The following ALG6 variants were observed in gnomAD, a reference collection of about 807,000 sequenced individuals.
ALG6 encodes dolichyl pyrophosphate Man9GlcNAc2 alpha-1,3-glucosyltransferase.
In ALG6, 46 loss-of-function variants were observed where a neutral mutation model predicts 66.6. That is an observed-to-expected ratio of 0.69 (90% CI 0.55 to 0.88). The LOEUF is 0.88. ALG6 is among the 40% of genes least tolerant of loss of function. ALG6 has a pLI of 0.00. For synonymous variants in ALG6, 185 were observed against 203.7 expected (o/e 0.91, Z 0.78); for missense variants, 505 against 586.8 (o/e 0.86, Z 1.44).
chr1:63,415,678 G>C (rs560534448), intron 10 of ALG6, among the ~76,000 whole-genome samples, 195 bp from the exon 11 acceptor site: 194 of 151,244 alleles, frequency 1.3e-3, no homozygotes, highest in Middle Eastern at 0.01. Flanking sequence ...GTGTATAAAA[G>C]TATATATATA....
In ALG6 at chr1:63,429,442, T is replaced by C. The variant is rs192934851; in HGVS notation, c.1326+316T>C. The C allele has an allele frequency of 1.6e-5, 4 of 256,084 alleles. No homozygotes were observed. The East Asian group carries it at 3.8e-4, about 24-fold the overall frequency. 15.9% of individuals were successfully genotyped at this position (256,084 alleles called of 1,614,324 possible). A position where few individuals can be genotyped will look rare whatever the true frequency, so the allele number is the denominator to read the frequency against. On this transcript the variant is annotated intron_variant, in intron 14 of 14. Transcript: ENST00000263440. The stretch of plus-strand genomic sequence containing the variant: ...TCTTTAGATTTGCCTACTTTGGACA[T>C]TGCATATAAATGGAATGTATTAGTC...
chr1:63,407,247 T>C (rs1436159664), intron 7 of ALG6, 121 bp downstream of exon 7: 1 of 712,452 alleles, frequency 1.4e-6, no homozygotes, highest in Non-Finnish European at 2.5e-6. Flanking sequence ...ATAAACTATT[T>C]CACAATAATA....
intron 12 of ALG6, 36 bp downstream of exon 12, chr1:63,419,476 TTATAA>T (rs746706704): frequency 5.7e-5 from 81 of 1,417,518 alleles, no homozygotes; most frequent in South Asian, 2.4e-5. Context: ...GTTTATTTGT[TTATAA>T]TATAACTTTA....
rs111245697 is a variant in ALG6 at position 63,416,029 on chromosome 1, G to T, written c.987+72G>T. On this transcript the variant is annotated intron_variant, in intron 11 of 14. Coordinates refer to ENST00000263440, the MANE Select transcript of ALG6 (RefSeq NM_013339.4). Reference sequence around the variant, plus strand: ...CTTTTAAAAATTATTTTCATGGTCTGCACAGGATTTATTGGGTTGGGAAAC... The same window carrying T: ...CTTTTAAAAATTATTTTCATGGTCTTCACAGGATTTATTGGGTTGGGAAAC... 1.9e-3 allele frequency: 2,116 copies of T among 1,113,108 alleles called. 13 individuals carry two copies. Among genetic ancestry groups the T allele is most frequent in the Non-Finnish European group, 2.0e-3 (1,450 of 735,728 alleles). The allele number at this position is 1,113,108 out of a possible 1,614,324, so 69.0% of individuals were successfully genotyped here. A position where few individuals can be genotyped will look rare whatever the true frequency, so the allele number is the denominator to read the frequency against.
chr1:63,378,370 C>T (rs1648198538), intron 2 of ALG6, among the ~76,000 whole-genome samples: 1 of 152,122 alleles, frequency 6.6e-6, no homozygotes, highest in Non-Finnish European at 1.5e-5. Flanking sequence ...CCTTTCCTTT[C>T]TTGCTGCAGT....
At chr1:63,419,724 T>C (rs931124073) in intron 12 of ALG6, among the ~76,000 whole-genome samples, 1 of 152,222 alleles carries the variant, frequency 6.6e-6, no homozygotes, top group African/African-American at 2.4e-5. Flanking sequence ...TCAAAGAGGT[T>C]TTCATCAGAT....
At chr1:63,403,086 C>T (rs1486832607) in intron 4 of ALG6, among the ~76,000 whole-genome samples, 1 of 94,772 alleles carries the variant, frequency 1.1e-5, no homozygotes, top group Non-Finnish European at 1.8e-5. Context: ...CAGAGTGAGA[C>T]TCCATCTCAA....
intron 12 of ALG6, among the ~76,000 whole-genome samples, chr1:63,427,390 C>T (rs755380496): frequency 1.5e-4 from 23 of 151,990 alleles, no homozygotes; most frequent in Non-Finnish European, 2.6e-4. Context: ...AGGAAAAAGT[C>T]ATCCTTCTGG....
At position 63,438,430 on chromosome 1, in the gene ALG6, T is replaced by C. The variant is rs1176685575; in HGVS notation, c.*1410T>C. On this transcript the variant is annotated 3_prime_UTR_variant, in exon 15 of 15. Coordinates refer to ENST00000263440, the MANE Select transcript of ALG6 (RefSeq NM_013339.4). Reference sequence around the variant, plus strand: ...TTTTTAAAAATATTTTTTGTAATAGTACACTTGTGTTTAACATAGAATGTT... The same window carrying C: ...TTTTTAAAAATATTTTTTGTAATAGCACACTTGTGTTTAACATAGAATGTT... 2.0e-5 allele frequency: 3 copies of C among 152,318 alleles called. No individual in the cohort carries two copies. The highest frequency in any genetic ancestry group is 3.9e-4 in the East Asian group (2 of 5,184). The allele number at this position is 152,318 out of a possible 1,614,324, so 9.4% of individuals were successfully genotyped here.
At chr1:63,380,889 A>G (rs1393855512) in intron 2 of ALG6, among the ~76,000 whole-genome samples, 1 of 152,244 alleles carries the variant, frequency 6.6e-6, no homozygotes, top group Non-Finnish European at 1.5e-5. Flanking sequence ...AAATCAACAG[A>G]ATCAGATTCC....
chr1:63,372,393 T>C (rs1404647518), intron 2 of ALG6, among the ~76,000 whole-genome samples: 1 of 152,036 alleles, frequency 6.6e-6, no homozygotes, highest in Non-Finnish European at 1.5e-5. Context: ...ACACATTTAC[T>C]CTCTACTTAC....
intron 2 of ALG6, among the ~76,000 whole-genome samples, chr1:63,390,672 C>T (rs1648643224): frequency 6.6e-6 from 1 of 152,150 alleles, no homozygotes; most frequent in Non-Finnish European, 1.5e-5. Flanking sequence ...ACTCAGGTTC[C>T]TACTGCTGGG....
intron 14 of ALG6, chr1:63,429,850 A>AGTGTGTGT (rs60383332): frequency 0.1 from 15,089 of 144,226 alleles, 848 homozygotes; most frequent in Middle Eastern, 0.13. Flanking sequence ...TCTTTCACTT[A>AGTGTGTGT]GTGTGTGTGT....
chr1:63,396,710 A>T, intron 3 of ALG6, 113 bp downstream of exon 3: 3 of 929,380 alleles, frequency 3.2e-6, no homozygotes, highest in Non-Finnish European at 5.1e-6. Flanking sequence ...CATCTCTTGC[A>T]TGCTGGTGCC....
chr1:63,422,199 A>G (rs1272355652), intron 12 of ALG6, among the ~76,000 whole-genome samples: 1 of 124,992 alleles, frequency 8.0e-6, no homozygotes, highest in Non-Finnish European at 1.6e-5. Flanking sequence ...ATATATATCT[A>G]TATGAATATA....
intron 7 of ALG6, among the ~76,000 whole-genome samples, chr1:63,408,324 G>C (rs1228464449): frequency 1.3e-5 from 2 of 152,140 alleles, no homozygotes; most frequent in Non-Finnish European, 2.9e-5. Context: ...TATTCATGTA[G>C]TTGTGTGTAG....
intron 8 of ALG6, 37 bp from the exon 9 acceptor site, chr1:63,411,889 T>C: frequency 6.2e-7 from 1 of 1,613,850 alleles, no homozygotes; most frequent in Non-Finnish European, 8.5e-7. Context: ...TTACTGACCT[T>C]TCCCTATCTT....
At chr1:63,424,106 G>T (rs1039779512) in intron 12 of ALG6, among the ~76,000 whole-genome samples, 1 of 152,024 alleles carries the variant, frequency 6.6e-6, no homozygotes, top group African/African-American at 2.4e-5. Flanking sequence ...GGCACAATAT[G>T]TCTATCTTCT....
chr1:63,422,110 TATATATAAATATATAAATAA>T (rs1395035961), intron 12 of ALG6, among the ~76,000 whole-genome samples: 2,184 of 77,198 alleles, frequency 0.028, 32 homozygotes, highest in Admixed American at 0.038. Flanking sequence ...TAAATATAAA[TATATATAAATATATAAATAA>T]ATATATAAAT....
Sources: allele counts gnomAD v4.1 joint callset (sites outside exome capture counted in the v4.1 genomes callset), GRCh38; gene constraint gnomAD v4.1.1; transcripts MANE v1.5; gene names NCBI Gene and HGNC (gene_info 2026-07-23, HGNC 2026-07-21).